BMPER: variants seen among roughly 807,000 people sequenced by gnomAD.
The protein encoded by BMPER is BMP binding endothelial regulator.
In BMPER, 45 loss-of-function variants were observed where a neutral mutation model predicts 87.3. The ratio of observed to expected loss-of-function variants is 0.52; its 90% confidence interval spans 0.41 to 0.66. The LOEUF (loss-of-function observed/expected upper bound fraction) is 0.66. BMPER is among the 30% of genes least tolerant of loss of function. The pLI, the probability that BMPER is intolerant of heterozygous loss-of-function variation, is 0.00. For synonymous variants in BMPER, 326 were observed against 316.2 expected, an observed-to-expected ratio of 1.03 and a Z score of -0.33; for missense variants, 784 against 867.5, an observed-to-expected ratio of 0.90 and a Z score of 1.21.
At chr7:33,970,947 G>A (rs979823009) in intron 5 of BMPER, among the ~76,000 whole-genome samples, 6 of 152,064 alleles carry the variant, frequency 3.9e-5, no homozygotes, top group South Asian at 2.1e-4. Flanking sequence ...CCTTTGCAGC[G>A]GCTGGAACGT....
Position 34,085,883 on chromosome 7 carries a change from T to C in BMPER, c.1536T>C (p.Asp512=), listed in dbSNP as rs1474300464. The C allele has an allele frequency of 1.9e-6, 3 of 1,614,146 alleles. No individual in the cohort carries two copies. Among genetic ancestry groups the C allele is most frequent in the African/African-American group, 1.3e-5 (1 of 75,032 alleles). ...GHKRDDLIGG[D]GNFKFDVDDF... ...AACGTGATGACTTAATTGGTGGAGA[T>C]GGAAACTTCAAGTTTGATGTGGATG... The change falls in exon 13 of 15, where the codon GAT becomes GAC. Residue 512 remains aspartate (D), a synonymous_variant. Coordinates refer to ENST00000649409, the MANE Select transcript of BMPER (RefSeq NM_001365308.1).
At position 34,085,948 on chromosome 7, in the gene BMPER, G is replaced by A; in HGVS notation, c.1601G>A (p.Cys534Tyr). Residue 534 changes from cysteine to tyrosine, a missense_variant, in exon 13 of 15, where the codon TGC (cysteine) becomes TAC (tyrosine). Transcript: ENST00000649409. ...ESWRVESNEF[C>Y]NRPQRKPVPE... ...TGGAGGGTGGAGTCCAATGAGTTCT[G>A]CAACAGACCTCAGAGAAAGCCAGTG... 2 of 1,614,124 alleles carry A rather than the reference G, an allele frequency of 1.2e-6. No homozygotes were observed. Among genetic ancestry groups the A allele is most frequent in the Non-Finnish European group, 1.7e-6 (2 of 1,180,022 alleles).
intron 3 of BMPER, among the ~76,000 whole-genome samples, chr7:33,940,279 C>T (rs540142453): frequency 5.3e-5 from 8 of 152,244 alleles, no homozygotes; most frequent in South Asian, 4.1e-4. Context: ...TTGGACATAT[C>T]GTCCTTAATA....
At chr7:34,032,661 T>C (rs930902224) in intron 6 of BMPER, among the ~76,000 whole-genome samples, 4 of 152,200 alleles carry the variant, frequency 2.6e-5, no homozygotes, top group African/African-American at 7.2e-5. Flanking sequence ...TTTAATATTT[T>C]TACCATGAAC....
chr7:34,062,127 T>A (rs1788453580), intron 11 of BMPER, 80 bp downstream of exon 11: 15 of 1,289,050 alleles, frequency 1.2e-5, no homozygotes, highest in Non-Finnish European at 1.7e-5. Flanking sequence ...GGGGTGTATG[T>A]TTCCCACACA....
chr7:33,996,627 A>G (rs1786419340), intron 6 of BMPER, among the ~76,000 whole-genome samples: 1 of 152,226 alleles, frequency 6.6e-6, no homozygotes. Flanking sequence ...TTCTAGTAAT[A>G]TTCTAATCTT....
At chr7:33,991,326 C>G (rs1413831679) in intron 6 of BMPER, among the ~76,000 whole-genome samples, 1 of 151,968 alleles carries the variant, frequency 6.6e-6, no homozygotes, top group African/African-American at 2.4e-5. Context: ...GATTCAACTT[C>G]TTCCTGGTTT....
chr7:33,968,025 C>T (rs191308844), intron 4 of BMPER, among the ~76,000 whole-genome samples: 13 of 152,206 alleles, frequency 8.5e-5, no homozygotes, highest in African/African-American at 2.6e-4. Context: ...CATTGTTAAC[C>T]CTGAACCTCC....
At chr7:34,032,926 A>C (rs539788168) in intron 6 of BMPER, among the ~76,000 whole-genome samples, 1 of 152,298 alleles carries the variant, frequency 6.6e-6, no homozygotes, top group South Asian at 2.1e-4. Flanking sequence ...AAGAGGGAAC[A>C]AGAATTAATC....
intron 6 of BMPER, among the ~76,000 whole-genome samples, chr7:34,004,423 G>A (rs1786670842): frequency 6.6e-6 from 1 of 151,960 alleles, no homozygotes; most frequent in African/African-American, 2.4e-5. Context: ...TACTTTATGT[G>A]TCGTCAAATA....
intron 6 of BMPER, among the ~76,000 whole-genome samples, chr7:33,989,497 T>A (rs1445159139): frequency 6.6e-6 from 1 of 152,340 alleles, no homozygotes; most frequent in East Asian, 1.9e-4. Flanking sequence ...TTGAGTTCAT[T>A]GTAGATTCTG....
At chr7:33,998,944 C>T (rs1315443902) in intron 6 of BMPER, among the ~76,000 whole-genome samples, 1 of 152,228 alleles carries the variant, frequency 6.6e-6, no homozygotes, top group Non-Finnish European at 1.5e-5. Flanking sequence ...GTTGGGAAGG[C>T]TGTCTCAAGA....
intron 4 of BMPER, 147 bp from the exon 5 acceptor site, chr7:33,970,182 C>T (rs1001611018): frequency 3.1e-5 from 23 of 740,498 alleles, no homozygotes; most frequent in Middle Eastern, 3.3e-4. Flanking sequence ...GATCTCACCT[C>T]GTTGGTGTCT....
At chr7:33,974,521 T>C (rs1002377411) in intron 5 of BMPER, among the ~76,000 whole-genome samples, 181 bp from the exon 6 acceptor site, 1 of 152,086 alleles carries the variant, frequency 6.6e-6, no homozygotes, top group Non-Finnish European at 1.5e-5. Flanking sequence ...GGGTTTCAGG[T>C]CCCATGCCCA....
chr7:33,910,588 C>T (rs1274875904), intron 2 of BMPER, among the ~76,000 whole-genome samples: 2 of 152,186 alleles, frequency 1.3e-5, no homozygotes, highest in South Asian at 2.1e-4. Flanking sequence ...CTTAGTTTGG[C>T]GTACATTTTG....
chr7:33,919,350 G>T (rs959083408), intron 2 of BMPER, among the ~76,000 whole-genome samples: 1 of 152,198 alleles, frequency 6.6e-6, no homozygotes, highest in African/African-American at 2.4e-5. Flanking sequence ...AATCCTCCAG[G>T]TTATTGCGAT....
At chr7:33,928,981 A>G (rs1784423778) in intron 2 of BMPER, among the ~76,000 whole-genome samples, 1 of 152,046 alleles carries the variant, frequency 6.6e-6, no homozygotes, top group South Asian at 2.1e-4. Flanking sequence ...TTTTTCTTTA[A>G]TCTCCCTCTG....
intron 13 of BMPER, among the ~76,000 whole-genome samples, chr7:34,099,898 T>G (rs1585833713): frequency 6.6e-6 from 1 of 152,264 alleles, no homozygotes; most frequent in African/African-American, 2.4e-5. Context: ...CAGTTTGTTT[T>G]TTTTTTCATT....
At chr7:34,112,313 T>G (rs1293350095) in intron 13 of BMPER, among the ~76,000 whole-genome samples, 2 of 150,976 alleles carry the variant, frequency 1.3e-5, no homozygotes, top group African/African-American at 4.9e-5. Context: ...GCTAACATGG[T>G]GAAACCCCGT....
Sources: gnomAD v4.1 joint callset for allele counts (sites outside exome capture counted in the v4.1 genomes callset) on GRCh38, gnomAD v4.1.1 for gene constraint, MANE v1.5 for transcripts, NCBI Gene and HGNC (gene_info 2026-07-23, HGNC 2026-07-21) for gene names.